NRG1: variants seen among roughly 807,000 people sequenced by gnomAD.
The protein encoded by NRG1 is neuregulin 1.
A neutral mutation model predicts 63.8 loss-of-function variants in NRG1; 18 were observed. The observed-to-expected ratio is 0.28, with a 90% CI of 0.19 to 0.42. NRG1 has a LOEUF of 0.42. NRG1 is among the 10% of genes least tolerant of loss of function. NRG1 has a pLI of 1.00. For synonymous variants in NRG1, 302 were observed against 301.3 expected, an observed-to-expected ratio of 1.00 and a Z score of -0.02; for missense variants, 762 against 814.7, an observed-to-expected ratio of 0.94 and a Z score of 0.79.
At chr8:31,684,468 G>T (rs1468498218) in intron 1 of NRG1, among the ~76,000 whole-genome samples, 1 of 152,112 alleles carries the variant, frequency 6.6e-6, no homozygotes, top group South Asian at 2.1e-4. Flanking sequence ...CTTGGACCTC[G>T]CAGCTTCCAG....
At chr8:32,759,341 T>C (rs1345774194) in exon 10 of NRG1, 2 of 1,613,984 alleles carry the variant, frequency 1.2e-6, no homozygotes, top group Non-Finnish European at 1.7e-6. Flanking sequence ...CCAGTGAGCA[T>C]ATTGTTGAGA....
At chr8:32,503,288 GAAAAAAAAAAAAAAA>G (rs60857610) in intron 1 of NRG1, among the ~76,000 whole-genome samples, 3 of 54,860 alleles carry the variant, frequency 5.5e-5, no homozygotes, top group Admixed American at 3.4e-4. Flanking sequence ...CTCTGTCTCA[GAAAAAAAAAAAAAAA>G]AAAAAAAAAA....
chr8:32,338,449 A>G (rs1248335887), intron 1 of NRG1, among the ~76,000 whole-genome samples: 7 of 152,182 alleles, frequency 4.6e-5, no homozygotes, highest in Admixed American at 3.3e-4. Context: ...GTTACAAAAT[A>G]TGTTTGATAA....
chr8:32,301,977 A>T (rs1172979818), intron 1 of NRG1, among the ~76,000 whole-genome samples: 2 of 152,122 alleles, frequency 1.3e-5, no homozygotes, highest in East Asian at 3.9e-4. Context: ...GACTGGGGGG[A>T]GTGAATGTAC....
chr8:31,669,905 G>T (rs1806946792), intron 1 of NRG1, among the ~76,000 whole-genome samples: 1 of 152,158 alleles, frequency 6.6e-6, no homozygotes, highest in Non-Finnish European at 1.5e-5. Context: ...TTTTCCACTT[G>T]TGGTGTCATG....
At position 31,643,857 on chromosome 8, in the gene NRG1, A is replaced by C. The variant is rs1585361168; in HGVS notation, c.37+4426A>C. ...CTGATTTCCAAAAAGGAGTACAAACACTGAGGTTGAATAACATCTACAATT... is the reference window on the plus strand; with the variant it reads ...CTGATTTCCAAAAAGGAGTACAAACCCTGAGGTTGAATAACATCTACAATT... On this transcript the variant is annotated intron_variant, in intron 1 of 10. Coordinates refer to the NRG1 transcript ENST00000519301. 4.6e-5 allele frequency among the ~76,000 whole-genome samples: 7 copies of C among 152,234 alleles called. 1 individual carries two copies. Among genetic ancestry groups the C allele is most frequent in the Admixed American group, 4.6e-4 (7 of 15,288 alleles).
intron 1 of NRG1, among the ~76,000 whole-genome samples, chr8:31,894,479 A>G (rs1831396945): frequency 6.6e-6 from 1 of 152,110 alleles, no homozygotes; most frequent in Admixed American, 6.5e-5. Flanking sequence ...AAAAGGCTGC[A>G]TGAAAATATG....
At chr8:32,760,831 T>TATC in intron 11 of NRG1, 1 of 1,014,170 alleles carries the variant, frequency 9.9e-7, no homozygotes, top group Non-Finnish European at 1.2e-6. Context: ...CTCGTGTTCT[T>TATC]ATCTGCTAAC....
intron 1 of NRG1, among the ~76,000 whole-genome samples, chr8:31,789,704 T>G (rs1503492): frequency 0.97 from 147,181 of 152,252 alleles, 71,326 homozygotes; most frequent in East Asian, 1. Flanking sequence ...ACCTATATGT[T>G]TTTACGCAAA....
At chr8:31,946,000 T>G (rs543168984) in intron 1 of NRG1, among the ~76,000 whole-genome samples, 23 of 152,330 alleles carry the variant, frequency 1.5e-4, no homozygotes, top group African/African-American at 5.5e-4. Flanking sequence ...TTCTCTGGGC[T>G]GCCCCCACAA....
At chr8:32,138,336 C>T (rs1835812893) in intron 1 of NRG1, among the ~76,000 whole-genome samples, 1 of 151,994 alleles carries the variant, frequency 6.6e-6, no homozygotes, top group East Asian at 1.9e-4. Context: ...GGAAGGCAAA[C>T]ATCTAAAGCT....
chr8:32,453,926 G>A (rs538776919), intron 1 of NRG1, among the ~76,000 whole-genome samples: 2 of 152,068 alleles, frequency 1.3e-5, no homozygotes, highest in South Asian at 4.1e-4. Context: ...AACAAACATT[G>A]GATGTAATCC....
chr8:31,900,932 G>T (rs1280636029), intron 1 of NRG1, among the ~76,000 whole-genome samples: 1 of 152,178 alleles, frequency 6.6e-6, no homozygotes, highest in Non-Finnish European at 1.5e-5. Flanking sequence ...TTCTACTGAA[G>T]CCCAGTAAAT....
At chr8:32,760,766 C>T (rs1830548540) in intron 11 of NRG1, 1 of 1,025,324 alleles carries the variant, frequency 9.8e-7, no homozygotes, top group African/African-American at 1.7e-5. Flanking sequence ...GATAAGGACC[C>T]TTCTATAATT....
chr8:32,422,623 C>A (rs1334504030), intron 1 of NRG1, among the ~76,000 whole-genome samples: 1 of 150,272 alleles, frequency 6.7e-6, no homozygotes, highest in Non-Finnish European at 1.5e-5. Flanking sequence ...AAACATATTA[C>A]CAGTTTGCCA....
In NRG1 at chr8:32,268,179, G is replaced by A. The variant is rs952519420; in HGVS notation, c.38-327649G>A. On this transcript the variant is annotated intron_variant, in intron 1 of 10. Transcript: ENST00000519301. ...GCCAACAATCTGAAGGAGCCTGAAA[G>A]CACAGCCTTCCCTGGTTGAGCCTCA... Among the ~76,000 whole-genome samples the A allele has an allele frequency of 6.6e-5, 10 of 152,180 alleles. 1 individual carries two copies. Among genetic ancestry groups the A allele is most frequent in the Admixed American group, 5.9e-4 (9 of 15,274 alleles).
intron 1 of NRG1, among the ~76,000 whole-genome samples, chr8:31,758,985 T>A (rs751392021): frequency 2.6e-5 from 4 of 152,184 alleles, no homozygotes; most frequent in Non-Finnish European, 5.9e-5. Flanking sequence ...TGGTTTTAAA[T>A]GGCATTTCTC....
At chr8:32,062,306 G>A (rs898431421) in intron 1 of NRG1, among the ~76,000 whole-genome samples, 2 of 152,166 alleles carry the variant, frequency 1.3e-5, no homozygotes, top group Non-Finnish European at 2.9e-5. Flanking sequence ...GGAACAGAAA[G>A]AGGTCTTCTC....
chr8:31,786,962 G>A (rs552763549), intron 1 of NRG1, among the ~76,000 whole-genome samples: 2 of 152,244 alleles, frequency 1.3e-5, no homozygotes, highest in South Asian at 4.1e-4. Flanking sequence ...CCCAGAGGTT[G>A]TGGGGTGAGG....
Sources: allele counts gnomAD v4.1 joint callset (sites outside exome capture counted in the v4.1 genomes callset), GRCh38; gene constraint gnomAD v4.1.1; transcripts MANE v1.5; gene names NCBI Gene and HGNC (gene_info 2026-07-23, HGNC 2026-07-21).